ZNF730: variants seen among roughly 807,000 people sequenced by gnomAD.
ZNF730 encodes the protein zinc finger protein 730.
ZNF730 carries 12 observed loss-of-function variants against 12.6 expected under a neutral mutation model. That is an observed-to-expected ratio of 0.95 (90% CI 0.61 to 1.54). The LOEUF (loss-of-function observed/expected upper bound fraction) is 1.54. Among genes scored for constraint, ZNF730 ranks in the 40% most tolerant of loss-of-function variants. The probability of loss-of-function intolerance (pLI) is 0.00; values close to 1 mark genes in which losing one functional copy is unlikely to be tolerated. For synonymous variants in ZNF730, 194 were observed against 195.8 expected (o/e 0.99, Z 0.08); for missense variants, 643 against 583.5 (o/e 1.10, Z -1.05).
At chr19:23,144,336 A>G (rs1332922664) in intron 3 of ZNF730, 1 of 152,134 alleles carries the variant, frequency 6.6e-6, no homozygotes, top group African/African-American at 2.4e-5. Flanking sequence ...AGTCTCTCAC[A>G]CATGTTCTTA....
rs556123915 is a variant in ZNF730 at position 23,085,836 on chromosome 19, C to CTTTTTTTTTTTTTTTTTTTTTT, written c.-94+10455_-94+10476dup. On this transcript the variant is annotated intron_variant, in intron 1 of 2. Transcript: ENST00000593635. ...GACCTATTTCACCCAATTTTTTTTT[C>CTTTTTTTTTTTTTTTTTTTTTT]TTTTTTTTTTTTTTTTTTTTTTTTT... Among the ~76,000 whole-genome samples, 22 of 54,854 alleles carry CTTTTTTTTTTTTTTTTTTTTTT rather than the reference C, an allele frequency of 4.0e-4. 4 individuals carry two copies. The highest frequency in any genetic ancestry group is 7.5e-4 in the African/African-American group (9 of 12,032). The allele number at this position is 54,854 out of a possible 152,430, so 36.0% of individuals were successfully genotyped here.
At chr19:23,102,134 C>T (rs1213583553) in intron 1 of ZNF730, among the ~76,000 whole-genome samples, 1 of 152,292 alleles carries the variant, frequency 6.6e-6, no homozygotes, top group East Asian at 1.9e-4. Context: ...TTTGCCTGCA[C>T]TCTGTCCACA....
chr19:23,143,835 C>G (rs1328693597), intron 3 of ZNF730: 1 of 152,122 alleles, frequency 6.6e-6, no homozygotes, highest in Non-Finnish European at 1.5e-5. Flanking sequence ...TGACACATCA[C>G]TTTTATCTTG....
At chr19:23,091,953 A>G (rs1568302738) in intron 1 of ZNF730, among the ~76,000 whole-genome samples, 2 of 152,102 alleles carry the variant, frequency 1.3e-5, no homozygotes, top group Non-Finnish European at 2.9e-5. Context: ...GCAGAATGAT[A>G]TTCTTTGGAT....
intron 1 of ZNF730, among the ~76,000 whole-genome samples, chr19:23,099,050 G>A (rs971188478): frequency 3.3e-5 from 5 of 152,160 alleles, no homozygotes; most frequent in African/African-American, 1.2e-4. Flanking sequence ...CATGTTTCTT[G>A]TAAGCACACT....
chr19:23,092,351 T>C (rs1970173168), intron 1 of ZNF730, among the ~76,000 whole-genome samples: 1 of 151,984 alleles, frequency 6.6e-6, no homozygotes, highest in Admixed American at 6.6e-5. Context: ...TCCCAGCACT[T>C]TGGGAGGCCG....
At chr19:23,084,232 G>C (rs557227023) in intron 1 of ZNF730, among the ~76,000 whole-genome samples, 1 of 152,248 alleles carries the variant, frequency 6.6e-6, no homozygotes, top group Admixed American at 6.5e-5. Flanking sequence ...GGCTTTAGGT[G>C]CATAGATTTG....
chr19:23,097,007 C>T (rs567315843), intron 1 of ZNF730, among the ~76,000 whole-genome samples: 5 of 152,318 alleles, frequency 3.3e-5, no homozygotes, highest in Admixed American at 2.0e-4. Flanking sequence ...GGTATAGTAA[C>T]ATATCATTGA....
chr19:23,111,118 A>G (rs1384381183), intron 1 of ZNF730, among the ~76,000 whole-genome samples: 1 of 151,602 alleles, frequency 6.6e-6, no homozygotes. Context: ...CTCATCACAG[A>G]AGAGATAAAA....
intron 1 of ZNF730, among the ~76,000 whole-genome samples, chr19:23,121,298 G>C (rs534766266): frequency 6.6e-6 from 1 of 152,088 alleles, no homozygotes; most frequent in African/African-American, 2.4e-5. Flanking sequence ...GGTGTTGTAG[G>C]AGTCAGAATC....
intron 1 of ZNF730, among the ~76,000 whole-genome samples, chr19:23,094,163 C>A (rs1296113549): frequency 6.6e-6 from 1 of 152,044 alleles, no homozygotes. Context: ...TGTTTTTTTC[C>A]CTAGGCCCAC....
At chr19:23,085,400 G>A (rs898149734) in intron 1 of ZNF730, among the ~76,000 whole-genome samples, 4 of 141,310 alleles carry the variant, frequency 2.8e-5, no homozygotes, top group African/African-American at 1.0e-4. Flanking sequence ...GTTTCACCAT[G>A]TTGGTCAGGC....
chr19:23,095,324 C>G (rs1970230487), intron 1 of ZNF730: 1 of 398,440 alleles, frequency 2.5e-6, no homozygotes, highest in Non-Finnish European at 4.4e-6. Context: ...TGCGTGTGCC[C>G]TGTCCATGTG....
intron 1 of ZNF730, among the ~76,000 whole-genome samples, chr19:23,082,074 CTTT>C (rs1256081161): frequency 3.9e-5 from 6 of 152,270 alleles, no homozygotes; most frequent in Non-Finnish European, 7.4e-5. Flanking sequence ...ATATGCAACA[CTTT>C]TTTATTCATC....
At chr19:23,126,803 T>C (rs1970676660) in intron 1 of ZNF730, 4 of 529,272 alleles carry the variant, frequency 7.6e-6, no homozygotes, top group South Asian at 5.9e-5. Flanking sequence ...CTTTATTTTT[T>C]GCTCTTGCTT....
At chr19:23,121,998 T>C (rs1217458337) in intron 1 of ZNF730, among the ~76,000 whole-genome samples, 1 of 152,196 alleles carries the variant, frequency 6.6e-6, no homozygotes, top group African/African-American at 2.4e-5. Flanking sequence ...CCTTTTGTTA[T>C]TCTTTCTGAC....
At chr19:23,117,004 C>A, upstream of ZNF730, 2 of 1,046,362 alleles carry the variant, frequency 1.9e-6, no homozygotes, top group East Asian at 4.1e-5. Context: ...GCAGACAGGG[C>A]GGCTTCCGGG....
At chr19:23,079,716 T>C (rs1256364945) in intron 1 of ZNF730, among the ~76,000 whole-genome samples, 11 of 152,180 alleles carry the variant, frequency 7.2e-5, no homozygotes, top group Admixed American at 7.2e-4. Flanking sequence ...TTAGAGATGA[T>C]TTTTGTCTTA....
intron 1 of ZNF730, among the ~76,000 whole-genome samples, chr19:23,106,525 C>T (rs1970394168): frequency 6.6e-6 from 1 of 152,086 alleles, no homozygotes; most frequent in Non-Finnish European, 1.5e-5. Flanking sequence ...GGCATGGTTG[C>T]TCATGCCTGT....
Sources: gnomAD v4.1 joint callset for allele counts (sites outside exome capture counted in the v4.1 genomes callset) on GRCh38, gnomAD v4.1.1 for gene constraint, MANE v1.5 for transcripts, NCBI Gene and HGNC (gene_info 2026-07-23, HGNC 2026-07-21) for gene names.